Variants in CAMTA1 observed in about 807,000 individuals in gnomAD.
CAMTA1 encodes the protein calmodulin binding transcription activator 1, also known as calmodulin-binding transcription activator 1.
A neutral mutation model predicts 170.9 loss-of-function variants in CAMTA1; 27 were observed. That is an observed-to-expected ratio of 0.16 (90% CI 0.12 to 0.22). The LOEUF is 0.22. CAMTA1 is among the 10% of genes least tolerant of loss of function. CAMTA1 has a pLI of 1.00. For synonymous variants in CAMTA1, 833 were observed against 891.5 expected (o/e 0.93, Z 1.17); for missense variants, 1,619 against 2,217.2 (o/e 0.73, Z 5.42).
At chr1:7,385,338 C>T (rs866118448) in intron 5 of CAMTA1, among the ~76,000 whole-genome samples, 4 of 152,104 alleles carry the variant, frequency 2.6e-5, no homozygotes, top group Non-Finnish European at 5.9e-5. Flanking sequence ...TTGATTTTGC[C>T]GGTCAAACCA....
At chr1:7,752,667 A>C (rs1410790357) in intron 21 of CAMTA1, 134 bp downstream of exon 21, 1 of 647,826 alleles carries the variant, frequency 1.5e-6, no homozygotes, top group Non-Finnish European at 2.6e-6. Flanking sequence ...AAATTACAAT[A>C]GGGCGGTAGA....
rs1681246978 is a variant in CAMTA1, at chr1:6,918,186, C to G, written c.234+92976C>G. On this transcript the variant is annotated intron_variant, in intron 3 of 22. Coordinates refer to ENST00000303635, the MANE Select transcript of CAMTA1 (RefSeq NM_015215.4). This position sits in a 1 kb window ranked among gnomAD's most constrained non-coding sequence, Gnocchi z 4.0. The stretch of plus-strand genomic sequence containing the variant: ...ATGGAGTGCATGTCAGCAGCCCTGG[C>G]ACTGAAAAGGGAAGACATATTGGAG... Among the ~76,000 whole-genome samples, 2 of 152,324 alleles carry G rather than the reference C, an allele frequency of 1.3e-5. No individual in the cohort carries two copies. Among genetic ancestry groups the G allele is most frequent in the South Asian group, 4.1e-4 (2 of 4,826 alleles).
chr1:7,688,074 T>G (rs2096274548), intron 11 of CAMTA1, among the ~76,000 whole-genome samples: 1 of 147,224 alleles, frequency 6.8e-6, no homozygotes, highest in East Asian at 2.1e-4. Context: ...AGTGGCTCCA[T>G]TTCAGCTTAC....
chr1:7,397,472 AT>A (rs2089418933), intron 5 of CAMTA1, among the ~76,000 whole-genome samples: 1 of 151,926 alleles, frequency 6.6e-6, no homozygotes, highest in South Asian at 2.1e-4. Flanking sequence ...TTTTGTTGAT[AT>A]ATTGTATTGG....
chr1:7,385,054 C>T (rs573110274), intron 5 of CAMTA1, among the ~76,000 whole-genome samples: 6 of 151,900 alleles, frequency 3.9e-5, no homozygotes, highest in African/African-American at 9.7e-5. Context: ...CAGAACAGCC[C>T]TCCTATGCCC....
chr1:6,951,690 C>T lies in CAMTA1; in HGVS notation c.234+126480C>T, dbSNP rs77585387. Among the ~76,000 whole-genome samples the T allele has an allele frequency of 8.2e-3, 1,246 of 152,264 alleles. 14 individuals carry two copies. The highest frequency in any genetic ancestry group is 0.028 in the African/African-American group (1,172 of 41,552). ...ACCATTCTCCCGCCTCCTCGGCCAT[C>T]GGGCTATAGCTCCCCAGAGTGGGTC... On this transcript the variant is annotated intron_variant, in intron 3 of 22. Transcript: ENST00000303635.
Position 7,014,326 on chromosome 1 carries a change from A to G in CAMTA1, c.235-76978A>G, listed in dbSNP as rs1195662484. On this transcript the variant is annotated intron_variant, in intron 3 of 22. Coordinates refer to ENST00000303635, the MANE Select transcript of CAMTA1 (RefSeq NM_015215.4). This position sits in a 1 kb window ranked among gnomAD's most constrained non-coding sequence, Gnocchi z 4.2. ...TTAGGCCCTGCAAAAGCTGCAAACA[A>G]CAGTTTGTGTTTGGGGTGTGAGGCT... 1 of 152,316 alleles carries G rather than the reference A, an allele frequency of 6.6e-6. No individual in the cohort carries two copies. Among genetic ancestry groups the G allele is most frequent in the Non-Finnish European group, 1.5e-5 (1 of 68,102 alleles). 9.4% of individuals were successfully genotyped at this position (152,316 alleles called of 1,614,324 possible). A position where few individuals can be genotyped will look rare whatever the true frequency, so the allele number is the denominator to read the frequency against.
At chr1:7,076,740 A>C (rs1006215433) in intron 3 of CAMTA1, among the ~76,000 whole-genome samples, 1 of 152,196 alleles carries the variant, frequency 6.6e-6, no homozygotes, top group African/African-American at 2.4e-5. Flanking sequence ...AGCAGTGGCA[A>C]CATAGCAGCG....
intron 3 of CAMTA1, among the ~76,000 whole-genome samples, chr1:6,947,047 G>A (rs2149456908): frequency 6.6e-6 from 1 of 152,294 alleles, no homozygotes; most frequent in East Asian, 1.9e-4. Context: ...AGTTGTCCCA[G>A]CACCATTTGT....
chr1:7,112,224 G>A (rs2148388657), intron 4 of CAMTA1, among the ~76,000 whole-genome samples: 1 of 152,250 alleles, frequency 6.6e-6, no homozygotes, highest in Non-Finnish European at 1.5e-5. Flanking sequence ...CTCACATTGG[G>A]CTTCCTTCAA....
chr1:6,913,812 AG>A (rs1177164855), intron 3 of CAMTA1, among the ~76,000 whole-genome samples: 1 of 151,924 alleles, frequency 6.6e-6, no homozygotes, highest in African/African-American at 2.4e-5. Flanking sequence ...GATGTTTGAA[AG>A]GTAGAGATGG....
rs1372103477 is a variant in CAMTA1 at position 7,467,917 on chromosome 1, T to C, written c.510+16T>C. 6.2e-6 allele frequency: 10 copies of C among 1,605,722 alleles called. No homozygotes were observed. Among genetic ancestry groups the C allele is most frequent in the East Asian group, 2.2e-5 (1 of 44,852 alleles). ...GCTCCTTCAGGTAGGTGGCTGGGACTGGATTCTTCTTCTGTCTCTGGTGCT... is the reference window on the plus strand; with the variant it reads ...GCTCCTTCAGGTAGGTGGCTGGGACCGGATTCTTCTTCTGTCTCTGGTGCT... On this transcript the variant is annotated intron_variant, in intron 6 of 22. Transcript: ENST00000303635.
chr1:7,386,278 C>T (rs929317017), intron 5 of CAMTA1, among the ~76,000 whole-genome samples: 1 of 152,232 alleles, frequency 6.6e-6, no homozygotes, highest in Non-Finnish European at 1.5e-5. Flanking sequence ...CGGTTAGCAT[C>T]TTGTGCAGAG....
rs1393702295 is a variant in CAMTA1, at chr1:7,673,504, A to G, written c.2779+2467A>G. 6.6e-6 allele frequency among the ~76,000 whole-genome samples: 1 copy of G among 152,204 alleles called. No individual in the cohort carries two copies. Among genetic ancestry groups the G allele is most frequent in the Non-Finnish European group, 1.5e-5 (1 of 68,008 alleles). ...CAGGGCAGTTTGGGTCTCAACAGGC[A>G]GTTCTCCTGGTCCTGGGGCATTTCT... On this transcript the variant is annotated intron_variant, in intron 10 of 22. Coordinates refer to ENST00000303635, the MANE Select transcript of CAMTA1 (RefSeq NM_015215.4). The surrounding 1 kb of genome is among the most constrained non-coding windows in gnomAD (Gnocchi z 4.6).
At chr1:6,808,441 G>A (rs1302427339) in intron 1 of CAMTA1, among the ~76,000 whole-genome samples, 1 of 152,098 alleles carries the variant, frequency 6.6e-6, no homozygotes, top group Non-Finnish European at 1.5e-5. Context: ...CCTGCCTCAG[G>A]AACACAGGCA....
At chr1:7,281,390 G>C (rs918723868) in intron 5 of CAMTA1, among the ~76,000 whole-genome samples, 7 of 152,176 alleles carry the variant, frequency 4.6e-5, no homozygotes, top group African/African-American at 1.7e-4. Context: ...GTAGAAACAA[G>C]AGTAAAACCT....
intron 4 of CAMTA1, among the ~76,000 whole-genome samples, chr1:7,095,233 C>T (rs182243047): frequency 6.6e-6 from 1 of 152,200 alleles, no homozygotes; most frequent in Non-Finnish European, 1.5e-5. Flanking sequence ...GTTCATGGGG[C>T]ACCCCCAGCT....
intron 11 of CAMTA1, among the ~76,000 whole-genome samples, chr1:7,679,463 G>A (rs1041518000): frequency 2.0e-5 from 3 of 152,100 alleles, no homozygotes; most frequent in East Asian, 1.9e-4. Flanking sequence ...CATAGAAACC[G>A]GGGGGAAGGG....
intron 6 of CAMTA1, among the ~76,000 whole-genome samples, chr1:7,508,055 C>T (rs527480078): frequency 2.0e-5 from 3 of 152,240 alleles, no homozygotes; most frequent in Non-Finnish European, 4.4e-5. Context: ...AAACAGGGAG[C>T]GAAGCCCTCG....
Sources: allele counts gnomAD v4.1 joint callset (sites outside exome capture counted in the v4.1 genomes callset), GRCh38; gene constraint gnomAD v4.1.1; non-coding constraint Gnocchi (gnomAD v3.1); transcripts MANE v1.5; gene names NCBI Gene and HGNC (gene_info 2026-07-23, HGNC 2026-07-21).